HMGCLL1: variants seen among roughly 807,000 people sequenced by gnomAD.
The protein encoded by HMGCLL1 is 3-hydroxy-3-methylglutaryl-CoA lyase like 1.
A neutral mutation model predicts 39.1 loss-of-function variants in HMGCLL1; 36 were observed. The ratio of observed to expected loss-of-function variants is 0.92; its 90% CI spans 0.71 to 1.22. The LOEUF (loss-of-function observed/expected upper bound fraction) is 1.22. Among genes scored for constraint, HMGCLL1 ranks in the 50% most tolerant of loss-of-function variants. The pLI, the probability that HMGCLL1 is intolerant of heterozygous loss-of-function variation, is 0.00. For missense variants in HMGCLL1, 451 were observed against 416.5 expected (o/e 1.08, Z -0.72); for synonymous variants, 149 against 144.0 (o/e 1.03, Z -0.25).
intron 1 of HMGCLL1, among the ~76,000 whole-genome samples, chr6:55,560,915 T>C (rs1211464638): frequency 6.6e-6 from 1 of 152,184 alleles, no homozygotes; most frequent in Middle Eastern, 3.2e-3. Context: ...AATAAATCAA[T>C]GTTTTTCTTT....
intron 3 of HMGCLL1, among the ~76,000 whole-genome samples, chr6:55,538,992 T>C (rs34836823): frequency 4.6e-5 from 7 of 152,154 alleles, no homozygotes; most frequent in Non-Finnish European, 8.8e-5. Flanking sequence ...TGTAATACAA[T>C]TAAAAAGCCT....
At chr6:55,672,474 A>G in the HMGCLL1 span, among the ~76,000 whole-genome samples, 1 of 151,862 alleles carries the variant, frequency 6.6e-6, no homozygotes, top group Admixed American at 6.6e-5. Context: ...AACCTATACT[A>G]TTTTCCTTTA....
chr6:55,646,220 C>A, the HMGCLL1 span, among the ~76,000 whole-genome samples: 2 of 151,800 alleles, frequency 1.3e-5, no homozygotes, highest in East Asian at 1.9e-4. Flanking sequence ...TTTTTGATTT[C>A]TGCAGTATTA....
the HMGCLL1 span, among the ~76,000 whole-genome samples, chr6:55,667,239 T>A: frequency 6.6e-6 from 1 of 151,740 alleles, no homozygotes; most frequent in Non-Finnish European, 1.5e-5. Context: ...ACAAGTAATT[T>A]TCATTCTACT....
the HMGCLL1 span, among the ~76,000 whole-genome samples, chr6:55,586,986 C>G: frequency 6.6e-6 from 1 of 151,948 alleles, no homozygotes; most frequent in African/African-American, 2.4e-5. Flanking sequence ...CTTCCACAAT[C>G]ATTGAACTAG....
chr6:55,676,216 CTT>C, the HMGCLL1 span, among the ~76,000 whole-genome samples: 36 of 152,158 alleles, frequency 2.4e-4, no homozygotes, highest in African/African-American at 8.2e-4. Flanking sequence ...AACAAACACT[CTT>C]ATGCTTAATG....
In HMGCLL1 at chr6:55,516,570, G is replaced by A; in HGVS notation, c.331C>T (p.His111Tyr). The change falls in exon 4 of 9, where the codon CAT (histidine) becomes TAT (tyrosine). Residue 111 changes from histidine (H) to tyrosine (Y), a missense_variant. Coordinates refer to ENST00000274901, the MANE Select transcript of HMGCLL1 (RefSeq NM_001042406.2). The stretch of plus-strand genomic sequence containing the variant: ...GGATAGCGAACTCCTGGATATTGAT[G>A]AATGCCTTTCATTACTTCAGTGTGA... ...ADHTEVMKGI[H>Y]QYPGVRYPVL... 1 of 1,602,128 alleles carries A rather than the reference G, an allele frequency of 6.2e-7. No individual in the cohort carries two copies. Among genetic ancestry groups the A allele is most frequent in the Non-Finnish European group, 8.5e-7 (1 of 1,171,832 alleles).
At chr6:55,591,558 T>G in the HMGCLL1 span, among the ~76,000 whole-genome samples, 2 of 151,716 alleles carry the variant, frequency 1.3e-5, no homozygotes, top group African/African-American at 2.4e-5. Flanking sequence ...CCTGTTCACT[T>G]TTTTTTTCCT....
the HMGCLL1 span, among the ~76,000 whole-genome samples, chr6:55,595,575 G>T: frequency 3.9e-5 from 6 of 152,160 alleles, no homozygotes; most frequent in African/African-American, 9.7e-5. Context: ...TATTGTGAAT[G>T]CTACTGTAAA....
At chr6:55,532,722 AC>A (rs1768753980) in intron 3 of HMGCLL1, among the ~76,000 whole-genome samples, 1 of 151,388 alleles carries the variant, frequency 6.6e-6, no homozygotes, top group Non-Finnish European at 1.5e-5. Context: ...AATCGCTTGA[AC>A]CCAGGAGGTA....
At position 55,488,945 on chromosome 6, in the gene HMGCLL1, T is replaced by C. The variant is rs1581846986; in HGVS notation, c.795+6474A>G. Reference sequence around the variant, plus strand: ...CTATTGGAGTTATCAGTGCTTCTAATTGTGTGTTTTCGGGGTGGTGTGTCT... The same window carrying C: ...CTATTGGAGTTATCAGTGCTTCTAACTGTGTGTTTTCGGGGTGGTGTGTCT... On this transcript the variant is annotated intron_variant, in intron 7 of 8. Transcript: ENST00000274901. Among the ~76,000 whole-genome samples the C allele has an allele frequency of 2.0e-5, 3 of 152,026 alleles. No individual in the cohort carries two copies. In the South Asian group the frequency reaches 6.2e-4, roughly 32 times the overall value.
At chr6:55,676,522 C>T in the HMGCLL1 span, among the ~76,000 whole-genome samples, 2 of 151,896 alleles carry the variant, frequency 1.3e-5, no homozygotes, top group Non-Finnish European at 2.9e-5. Flanking sequence ...TTCCCTTTTC[C>T]TCACCCCTTC....
the HMGCLL1 span, among the ~76,000 whole-genome samples, chr6:55,623,199 CTT>C: frequency 1.3e-5 from 2 of 151,856 alleles, no homozygotes; most frequent in African/African-American, 4.8e-5. Context: ...CCCAAAAAAA[CTT>C]TTAATTTTGG....
the HMGCLL1 span, among the ~76,000 whole-genome samples, chr6:55,642,274 T>C: frequency 1.3e-5 from 2 of 151,212 alleles, no homozygotes; most frequent in African/African-American, 2.4e-5. Context: ...TTCCATGGTG[T>C]ATATGTGCCA....
At chr6:55,477,156 T>C (rs1765341327) in intron 7 of HMGCLL1, among the ~76,000 whole-genome samples, 1 of 55,780 alleles carries the variant, frequency 1.8e-5, no homozygotes, top group African/African-American at 7.6e-5. Flanking sequence ...ATATATATTA[T>C]ATATTATAAT....
the HMGCLL1 span, among the ~76,000 whole-genome samples, chr6:55,648,968 TA>T: frequency 6.6e-6 from 1 of 151,420 alleles, no homozygotes; most frequent in Non-Finnish European, 1.5e-5. Flanking sequence ...AAATCCTCAA[TA>T]AAATACTGGC....
chr6:55,578,497 CCTA>C (rs1324524685), intron 1 of HMGCLL1, among the ~76,000 whole-genome samples: 3 of 152,170 alleles, frequency 2.0e-5, no homozygotes, highest in Non-Finnish European at 4.4e-5. Context: ...ATTATTTCAT[CCTA>C]CTATGTCTTC....
chr6:55,478,161 G>T (rs1335831580), intron 7 of HMGCLL1, among the ~76,000 whole-genome samples: 4 of 149,796 alleles, frequency 2.7e-5, no homozygotes, highest in Non-Finnish European at 4.4e-5. Flanking sequence ...AAATATGTTG[G>T]CATAACCTTT....
intron 7 of HMGCLL1, among the ~76,000 whole-genome samples, chr6:55,442,779 T>C (rs1763661385): frequency 6.6e-6 from 1 of 152,134 alleles, no homozygotes; most frequent in African/African-American, 2.4e-5. Context: ...TTTAGGACAA[T>C]TTTCATTTAC....
Sources: allele counts gnomAD v4.1 joint callset (sites outside exome capture counted in the v4.1 genomes callset), GRCh38; gene constraint gnomAD v4.1.1; transcripts MANE v1.5; gene names NCBI Gene and HGNC (gene_info 2026-07-23, HGNC 2026-07-21).